Variants in ARK2C observed in about 807,000 individuals in gnomAD.
The protein encoded by ARK2C is E3 ubiquitin-protein ligase ARK2C.
the ARK2C span, among the ~76,000 whole-genome samples, chr18:46,437,206 T>C: frequency 7.0e-6 from 1 of 143,486 alleles, no homozygotes; most frequent in African/African-American, 2.5e-5. Flanking sequence ...TTGGGCTCTT[T>C]CTGCTTGTTT....
chr18:46,412,105 C>T, the ARK2C span, among the ~76,000 whole-genome samples: 8 of 151,980 alleles, frequency 5.3e-5, no homozygotes, highest in Non-Finnish European at 1.2e-4. Flanking sequence ...CGGGAGACAA[C>T]GGCTCATCTC....
the ARK2C span, among the ~76,000 whole-genome samples, chr18:46,427,211 T>C: frequency 1.3e-5 from 2 of 152,290 alleles, no homozygotes; most frequent in Admixed American, 6.5e-5. Flanking sequence ...ACCTTGCAGG[T>C]AGAAATTGCC....
At chr18:46,447,178 T>G in the ARK2C span, among the ~76,000 whole-genome samples, 1 of 152,302 alleles carries the variant, frequency 6.6e-6, no homozygotes. Flanking sequence ...GGTAAAAATA[T>G]AGCCTCAGCT....
At chr18:46,410,330 C>T in the ARK2C span, among the ~76,000 whole-genome samples, 179 of 152,332 alleles carry the variant, frequency 1.2e-3, no homozygotes, top group African/African-American at 4.1e-3. Flanking sequence ...TCCAGGTGCT[C>T]AATGTCTTAC....
chr18:46,344,161 A>G, the ARK2C span, among the ~76,000 whole-genome samples: 1 of 152,196 alleles, frequency 6.6e-6, no homozygotes, highest in South Asian at 2.1e-4. Context: ...CACCTAGGAA[A>G]GGAAGCGGCG....
At chr18:46,458,358 T>G in the ARK2C span, 1 of 152,848 alleles carries the variant, frequency 6.5e-6, no homozygotes, top group African/African-American at 2.4e-5. Context: ...TTAGCTGGAA[T>G]TCTGCCACCT....
At chr18:46,343,471 G>A in the ARK2C span, among the ~76,000 whole-genome samples, 2 of 152,204 alleles carry the variant, frequency 1.3e-5, no homozygotes, top group African/African-American at 4.8e-5. Flanking sequence ...CGAGAAGCCA[G>A]CCAAAGGCGA....
the ARK2C span, among the ~76,000 whole-genome samples, chr18:46,431,005 T>C: frequency 6.6e-6 from 1 of 152,186 alleles, no homozygotes; most frequent in East Asian, 1.9e-4. Flanking sequence ...CAATCCATCA[T>C]CTACATTAGG....
At chr18:46,361,628 A>T in the ARK2C span, among the ~76,000 whole-genome samples, 1 of 152,180 alleles carries the variant, frequency 6.6e-6, no homozygotes, top group African/African-American at 2.4e-5. Context: ...CAGTACTATC[A>T]TTCAATATAC....
chr18:46,456,055 A>G, the ARK2C span: 7 of 1,610,332 alleles, frequency 4.3e-6, no homozygotes. Flanking sequence ...TTGTCTGTCT[A>G]TGCTGGAAGA....
the ARK2C span, among the ~76,000 whole-genome samples, chr18:46,354,402 T>TG: frequency 6.6e-6 from 1 of 152,320 alleles, no homozygotes; most frequent in South Asian, 2.1e-4. Context: ...GCTGTAATGA[T>TG]GGGGGGTCCT....
chr18:46,356,630 G>A, the ARK2C span, among the ~76,000 whole-genome samples: 1 of 152,154 alleles, frequency 6.6e-6, no homozygotes, highest in Admixed American at 6.5e-5. Flanking sequence ...GGAGTATTCA[G>A]ATTCCATCAT....
At chr18:46,352,822 G>T in the ARK2C span, among the ~76,000 whole-genome samples, 1 of 152,222 alleles carries the variant, frequency 6.6e-6, no homozygotes, top group Non-Finnish European at 1.5e-5. Context: ...TTTAGGGGTT[G>T]CATTACCGTA....
At chr18:46,363,386 G>A in the ARK2C span, among the ~76,000 whole-genome samples, 1 of 152,224 alleles carries the variant, frequency 6.6e-6, no homozygotes, top group South Asian at 2.1e-4. Flanking sequence ...ACACCACAGT[G>A]CCCTCAGCCA....
At chr18:46,433,395 G>T in the ARK2C span, 1 of 1,613,458 alleles carries the variant, frequency 6.2e-7, no homozygotes, top group South Asian at 1.1e-5. Context: ...CCACCCTGCA[G>T]TTCCAGGACG....
the ARK2C span, among the ~76,000 whole-genome samples, chr18:46,352,342 G>A: frequency 6.6e-6 from 1 of 152,176 alleles, no homozygotes; most frequent in Non-Finnish European, 1.5e-5. Flanking sequence ...GCTATATTGG[G>A]TACACATCAT....
the ARK2C span, among the ~76,000 whole-genome samples, chr18:46,356,018 G>A: frequency 3.3e-5 from 5 of 152,146 alleles, no homozygotes; most frequent in Non-Finnish European, 5.9e-5. Flanking sequence ...CAGCATTCCC[G>A]TGGCCCTCAG....
chr18:46,430,019 T>A, the ARK2C span, among the ~76,000 whole-genome samples: 298 of 152,276 alleles, frequency 2.0e-3, no homozygotes, highest in African/African-American at 6.7e-3. Context: ...TGCTCCCCTG[T>A]GGAATGGCTG....
At chr18:46,336,474 G>A in the ARK2C span, 3 of 985,434 alleles carry the variant, frequency 3.0e-6, no homozygotes, top group Non-Finnish European at 3.6e-6. Flanking sequence ...GGGCTGAGGG[G>A]TGAGTTGGTC....
Sources: gnomAD v4.1 joint callset for allele counts (sites outside exome capture counted in the v4.1 genomes callset) on GRCh38, gnomAD v4.1.1 for gene constraint, MANE v1.5 for transcripts, NCBI Gene and HGNC (gene_info 2026-07-23, HGNC 2026-07-21) for gene names.